VEZT: variants seen among roughly 807,000 people sequenced by gnomAD.
VEZT encodes the protein vezatin.
A neutral mutation model predicts 79.9 loss-of-function variants in VEZT; 39 were observed. The ratio of observed to expected loss-of-function variants is 0.49; its 90% CI spans 0.38 to 0.64. The LOEUF is 0.64. Ranked by LOEUF, VEZT falls within the 30% of genes least tolerant of loss-of-function variation. VEZT has a pLI of 0.00. For synonymous variants in VEZT, 325 were observed against 327.6 expected, an observed-to-expected ratio of 0.99 and a Z score of 0.09; for missense variants, 837 against 893.1, an observed-to-expected ratio of 0.94 and a Z score of 0.80.
At chr12:95,254,935 C>A (rs558664381) in intron 2 of VEZT, among the ~76,000 whole-genome samples, 2 of 152,056 alleles carry the variant, frequency 1.3e-5, no homozygotes, top group East Asian at 3.9e-4. Flanking sequence ...TTTCTGGTTT[C>A]TTTTCCTGTG....
chr12:95,230,234 T>G (rs2059067441), intron 1 of VEZT, among the ~76,000 whole-genome samples: 2 of 152,126 alleles, frequency 1.3e-5, no homozygotes, highest in South Asian at 4.1e-4. Context: ...TGCCCATTAC[T>G]TTTTATTTGA....
At chr12:95,270,747 T>G (rs1357035026) in intron 6 of VEZT, among the ~76,000 whole-genome samples, 1 of 152,174 alleles carries the variant, frequency 6.6e-6, no homozygotes, top group African/African-American at 2.4e-5. Flanking sequence ...AGTTAATCCA[T>G]GTAAAGTGAT....
intron 7 of VEZT, among the ~76,000 whole-genome samples, chr12:95,276,149 T>A (rs1447804825): frequency 6.6e-6 from 1 of 152,018 alleles, no homozygotes; most frequent in Non-Finnish European, 1.5e-5. Context: ...CCTTACAGAT[T>A]TATCTCAGAA....
intron 1 of VEZT, among the ~76,000 whole-genome samples, chr12:95,228,819 C>G (rs1236422995): frequency 6.6e-6 from 1 of 152,168 alleles, no homozygotes; most frequent in East Asian, 1.9e-4. Flanking sequence ...GCCTGGGCAA[C>G]ATAGTGAGAC....
At position 95,250,456 on chromosome 12, in the gene VEZT, T is replaced by G. The variant is rs566788806; in HGVS notation, c.37-1484T>G. On this transcript the variant is annotated intron_variant, in intron 1 of 11. Coordinates refer to ENST00000436874, the MANE Select transcript of VEZT (RefSeq NM_017599.4). ...TAGCTGAGATTACAGGCACCTGCCATCATGCCCGGCTGATTTTTATATTTT... is the reference window on the plus strand; with the variant it reads ...TAGCTGAGATTACAGGCACCTGCCAGCATGCCCGGCTGATTTTTATATTTT... Among the ~76,000 whole-genome samples the G allele has an allele frequency of 1.1e-3, 168 of 151,664 alleles. 1 individual carries two copies. Among genetic ancestry groups the G allele is most frequent in the Non-Finnish European group, 4.9e-4 (33 of 67,856 alleles).
intron 1 of VEZT, among the ~76,000 whole-genome samples, chr12:95,243,291 C>T (rs1027802580): frequency 1.4e-5 from 2 of 147,000 alleles, no homozygotes; most frequent in African/African-American, 5.1e-5. Flanking sequence ...GGGAGGATCA[C>T]TTGGAGGTTG....
chr12:95,280,263 A>G (rs1037492067), intron 7 of VEZT, among the ~76,000 whole-genome samples: 1 of 151,920 alleles, frequency 6.6e-6, no homozygotes, highest in Non-Finnish European at 1.5e-5. Flanking sequence ...CCCCAGCCGT[A>G]CTGAGCTTCT....
At chr12:95,286,008 T>A (rs2070728307) in intron 8 of VEZT, among the ~76,000 whole-genome samples, 1 of 124,914 alleles carries the variant, frequency 8.0e-6, no homozygotes, top group Non-Finnish European at 1.6e-5. Context: ...TTTTTTTTTT[T>A]GAGATAGAGT....
In VEZT at chr12:95,300,165, C is replaced by G; in HGVS notation, c.1832C>G (p.Ala611Gly). 8 of 1,388,184 alleles carry G rather than the reference C, an allele frequency of 5.8e-6. No homozygotes were observed. Among genetic ancestry groups the G allele is most frequent in the Non-Finnish European group, 6.6e-6 (7 of 1,063,600 alleles). 86.0% of individuals were successfully genotyped at this position (1,388,184 alleles called of 1,614,324 possible). ...CTTTTTTCTTTTTTTTTATTTGAAG[C>G]CGTGTTGAAATCCTTGTCTCCTGTA... The part of the protein sequence containing the change: ...KWKQLLFSDH[A>G]VLKSLSPVDP... Residue 611 changes from alanine to glycine, a missense_variant and splice_region_variant, in exon 12 of 12, where the codon GCC becomes GGC. Transcript: ENST00000436874.
rs770849696 is a variant in VEZT, at chr12:95,282,313, G to T, written c.997G>T (p.Val333Phe). The T allele has an allele frequency of 4.4e-6, 7 of 1,588,840 alleles. No homozygotes were observed. The East Asian group carries it at 6.7e-5, about 15-fold the overall frequency. The change falls in exon 8 of 12, where the codon GTT (valine) becomes TTT (phenylalanine). Residue 333 changes from valine to phenylalanine, a missense_variant and splice_region_variant. Coordinates refer to ENST00000436874, the MANE Select transcript of VEZT (RefSeq NM_017599.4). The part of the protein sequence containing the change: ...TDGFSLPALK[V>F]LFQLWVAQSS... ...AGTTCTTTTTTCTTTTTTCTTTAAGGTTTTGTTCCAACTCTGGGTGGCACA... is the reference window on the plus strand; with the variant it reads ...AGTTCTTTTTTCTTTTTTCTTTAAGTTTTTGTTCCAACTCTGGGTGGCACA...
rs1429406831 is a variant in VEZT at position 95,270,089 on chromosome 12, A to G, written c.749A>G (p.His250Arg). 2 of 1,611,916 alleles carry G rather than the reference A, an allele frequency of 1.2e-6. No homozygotes were observed. The highest frequency in any genetic ancestry group is 1.7e-6 in the Non-Finnish European group (2 of 1,179,014). Residue 250 changes from histidine (H) to arginine (R), a missense_variant, in exon 6 of 12, where the codon CAT (histidine) becomes CGT (arginine). Physicochemically the swap from His to Arg is conservative, Grantham distance 29 (BLOSUM62 0). Transcript: ENST00000436874. ...TGCCCATTTAATAAAGCTGGACAGC[A>G]TCCAAGTCAGCATCTCATCGGTCTT... ...AACPFNKAGQ[H>R]PSQHLIGLRK...
chr12:95,300,823 T>G lies in VEZT; in HGVS notation c.*150T>G. The G allele has an allele frequency of 2.7e-6, 3 of 1,118,140 alleles. No individual in the cohort carries two copies. The highest frequency in any genetic ancestry group is 3.5e-6 in the Non-Finnish European group (3 of 854,462). The allele number at this position is 1,118,140 out of a possible 1,614,324, so 69.3% of individuals were successfully genotyped here. Reference sequence around the variant, plus strand: ...AGAACCCTGGTTTGAATAACTGATCTGAAATTAGTAGTTACCTGTAAATGG... The same window carrying G: ...AGAACCCTGGTTTGAATAACTGATCGGAAATTAGTAGTTACCTGTAAATGG... On this transcript the variant is annotated 3_prime_UTR_variant, in exon 12 of 12. Coordinates refer to ENST00000436874, the MANE Select transcript of VEZT (RefSeq NM_017599.4).
chr12:95,220,905 A>G (rs2057475044), intron 1 of VEZT, among the ~76,000 whole-genome samples: 1 of 152,188 alleles, frequency 6.6e-6, no homozygotes, highest in Non-Finnish European at 1.5e-5. Context: ...TTCTGTAGAT[A>G]TTGCCAAACT....
At chr12:95,279,699 C>T (rs971668544) in intron 7 of VEZT, among the ~76,000 whole-genome samples, 3 of 152,176 alleles carry the variant, frequency 2.0e-5, no homozygotes, top group African/African-American at 7.2e-5. Context: ...TCAAGCGATC[C>T]TCCCACCCTA....
intron 7 of VEZT, among the ~76,000 whole-genome samples, chr12:95,279,131 A>AGT (rs2139151009): frequency 6.6e-6 from 1 of 152,324 alleles, no homozygotes; most frequent in East Asian, 1.9e-4. Flanking sequence ...TGAGACTAGA[A>AGT]GTGTTTTGGA....
rs1275915501 is a variant in VEZT at position 95,301,939 on chromosome 12, C to T, written c.*1266C>T. ...TTTAACCTGAGAAAAAAACTTGGTTCTGCTTTATATAAACAGTAGAGATTA... is the reference window on the plus strand; with the variant it reads ...TTTAACCTGAGAAAAAAACTTGGTTTTGCTTTATATAAACAGTAGAGATTA... On this transcript the variant is annotated 3_prime_UTR_variant, in exon 12 of 12. Coordinates refer to ENST00000436874, the MANE Select transcript of VEZT (RefSeq NM_017599.4). 2.0e-5 allele frequency: 3 copies of T among 152,018 alleles called. No individual in the cohort carries two copies. Among genetic ancestry groups the T allele is most frequent in the African/African-American group, 7.2e-5 (3 of 41,408 alleles). The allele number at this position is 152,018 out of a possible 1,614,324, so 9.4% of individuals were successfully genotyped here. A position where few individuals can be genotyped will look rare whatever the true frequency, so the allele number is the denominator to read the frequency against.
chr12:95,292,999 T>A (rs1473231864), intron 9 of VEZT, among the ~76,000 whole-genome samples: 1 of 151,880 alleles, frequency 6.6e-6, no homozygotes, highest in Non-Finnish European at 1.5e-5. Flanking sequence ...TACAGGTACA[T>A]ACCACCATGC....
At chr12:95,299,901 G>A in intron 11 of VEZT, 1 of 218,800 alleles carries the variant, frequency 4.6e-6, no homozygotes, top group Non-Finnish European at 8.9e-6. Flanking sequence ...CAGAACCACT[G>A]CTTTAATATT....
intron 9 of VEZT, among the ~76,000 whole-genome samples, chr12:95,292,611 C>T (rs1317607896): frequency 8.7e-5 from 13 of 149,762 alleles, no homozygotes; most frequent in South Asian, 4.2e-4. Context: ...TGCAGTGGCG[C>T]GATCTCGCCT....
Sources: allele counts gnomAD v4.1 joint callset (sites outside exome capture counted in the v4.1 genomes callset), GRCh38; gene constraint gnomAD v4.1.1; transcripts MANE v1.5; gene names NCBI Gene and HGNC (gene_info 2026-07-23, HGNC 2026-07-21).